PGBD2: variants seen among roughly 807,000 people sequenced by gnomAD.
PGBD2 encodes piggyBac transposable element derived 2.
A neutral mutation model predicts 8.1 loss-of-function variants in PGBD2; 6 were observed. The observed-to-expected ratio is 0.74, with a 90% CI of 0.40 to 1.46. The LOEUF is 1.46. Among genes scored for constraint, PGBD2 ranks in the 40% most tolerant of loss-of-function variants. The pLI is 0.02. For synonymous variants in PGBD2, 318 were observed against 272.2 expected, an observed-to-expected ratio of 1.17 and a Z score of -1.66; for missense variants, 802 against 739.0, an observed-to-expected ratio of 1.09 and a Z score of -0.99.
chr1:248,897,952 G>A, the PGBD2 span, among the ~76,000 whole-genome samples: 1 of 152,210 alleles, frequency 6.6e-6, no homozygotes, highest in Non-Finnish European at 1.5e-5. Context: ...GTGGAGCTCA[G>A]CAGCTACGGC....
chr1:248,914,057 C>T (rs1468746915), intron 2 of PGBD2, among the ~76,000 whole-genome samples, 178 bp downstream of exon 2: 1 of 152,158 alleles, frequency 6.6e-6, no homozygotes, highest in Non-Finnish European at 1.5e-5. Flanking sequence ...AAAAGGCTGA[C>T]AGTTGCATGG....
At chr1:248,894,029 C>T in the PGBD2 span, among the ~76,000 whole-genome samples, 7 of 152,140 alleles carry the variant, frequency 4.6e-5, no homozygotes, top group African/African-American at 1.4e-4. Context: ...TATATGTCTG[C>T]TGGCCCTGGC....
intron 2 of PGBD2, among the ~76,000 whole-genome samples, chr1:248,916,115 TA>T (rs1487188668): frequency 6.6e-6 from 1 of 152,188 alleles, no homozygotes; most frequent in Non-Finnish European, 1.5e-5. Flanking sequence ...CTTCTGCACT[TA>T]AAAGCAGAAT....
the PGBD2 span, among the ~76,000 whole-genome samples, chr1:248,895,076 A>C: frequency 3.3e-5 from 5 of 152,178 alleles, no homozygotes; most frequent in African/African-American, 9.7e-5. Flanking sequence ...AAGTGTTGGA[A>C]TTATAGGCTT....
In PGBD2 at chr1:248,911,390, C is replaced by T. The variant is rs7537073; in HGVS notation, c.-47-2426C>T. On this transcript the variant is annotated intron_variant, in intron 1 of 2. Transcript: ENST00000329291. ...TTGCACCGCCCTTAATCCATTCAAC[C>T]CTGAGTGGACACAGCACATGTTTCA... is the stretch of plus-strand genomic sequence containing the variant. 8.1e-3 allele frequency among the ~76,000 whole-genome samples: 1,225 copies of T among 150,324 alleles called. 20 individuals are homozygous for T. Among genetic ancestry groups the T allele is most frequent in the African/African-American group, 0.028 (1,123 of 39,790 alleles).
At chr1:248,902,177 G>A (rs1396696180), upstream of PGBD2, among the ~76,000 whole-genome samples, 1 of 151,724 alleles carries the variant, frequency 6.6e-6, no homozygotes, top group Non-Finnish European at 1.5e-5. Context: ...GCTGAGGCAG[G>A]AGAATTGCTT....
At chr1:248,892,258 CCT>C in the PGBD2 span, among the ~76,000 whole-genome samples, 2 of 118,622 alleles carry the variant, frequency 1.7e-5, no homozygotes, top group African/African-American at 9.5e-5. Context: ...TCCCTCCCTC[CCT>C]CCCTCCCTCC....
At chr1:248,896,723 A>G in the PGBD2 span, among the ~76,000 whole-genome samples, 5 of 152,218 alleles carry the variant, frequency 3.3e-5, no homozygotes, top group Non-Finnish European at 7.3e-5. Context: ...TGGTAAGTGC[A>G]TTCTATACCT....
At chr1:248,929,755 A>G in the PGBD2 span, among the ~76,000 whole-genome samples, 1 of 152,140 alleles carries the variant, frequency 6.6e-6, no homozygotes, top group Non-Finnish European at 1.5e-5. Context: ...GTTTCCCCAA[A>G]ACACTGATGA....
chr1:248,875,308 C>CAAAAAAAAAAAAAAAAAAAAAAA, the PGBD2 span, among the ~76,000 whole-genome samples: 22 of 110,176 alleles, frequency 2.0e-4, no homozygotes, highest in African/African-American at 4.0e-4. Flanking sequence ...AAAAACAAAA[C>CAAAAAAAAAAAAAAAAAAAAAAA]AAAAAAAAAA....
At chr1:248,878,900 G>A in the PGBD2 span, among the ~76,000 whole-genome samples, 3 of 152,138 alleles carry the variant, frequency 2.0e-5, no homozygotes, top group Non-Finnish European at 4.4e-5. Context: ...ATTTTTGTTG[G>A]TTGGAGTGAT....
chr1:248,877,828 A>G, the PGBD2 span, among the ~76,000 whole-genome samples: 1 of 152,210 alleles, frequency 6.6e-6, no homozygotes, highest in African/African-American at 2.4e-5. Context: ...TGAATAAAGT[A>G]TTTAATTATT....
the PGBD2 span, among the ~76,000 whole-genome samples, chr1:248,877,074 A>G: frequency 6.6e-6 from 1 of 152,196 alleles, no homozygotes; most frequent in Non-Finnish European, 1.5e-5. Context: ...TTTTGTTGTA[A>G]TTCATTAAAA....
At chr1:248,880,787 TC>T in the PGBD2 span, among the ~76,000 whole-genome samples, 4 of 152,236 alleles carry the variant, frequency 2.6e-5, no homozygotes, top group Admixed American at 6.5e-5. Context: ...GAGATTTTTC[TC>T]CCTTCTGATG....
the PGBD2 span, among the ~76,000 whole-genome samples, chr1:248,883,040 A>G: frequency 6.6e-6 from 1 of 152,178 alleles, no homozygotes; most frequent in African/African-American, 2.4e-5. Context: ...CTAATTGTTC[A>G]TATGGTCTGT....
downstream of PGBD2, among the ~76,000 whole-genome samples, chr1:248,923,515 T>G (rs1247933964): frequency 3.9e-5 from 6 of 152,178 alleles, no homozygotes; most frequent in African/African-American, 1.4e-4. Flanking sequence ...CATGGAAATG[T>G]TGGGACTGAG....
chr1:248,874,278 G>T, the PGBD2 span, among the ~76,000 whole-genome samples: 2 of 152,126 alleles, frequency 1.3e-5, no homozygotes, highest in Admixed American at 1.3e-4. Context: ...AGGATTCGGC[G>T]CTCTCACCGC....
the PGBD2 span, among the ~76,000 whole-genome samples, chr1:248,885,971 C>CTG: frequency 6.6e-6 from 1 of 152,258 alleles, no homozygotes; most frequent in African/African-American, 2.4e-5. Flanking sequence ...AACTTTCCTA[C>CTG]CCTGTCAGTT....
rs1056532162 is a variant in PGBD2 at position 248,918,680 on chromosome 1, A to C, written c.*317A>C. Reference sequence around the variant, plus strand: ...TCCTAGCAAGAATAATCAAAGGAAAACTTGCAAGAACAGTAAGAAGACTTT... The same window carrying C: ...TCCTAGCAAGAATAATCAAAGGAAACCTTGCAAGAACAGTAAGAAGACTTT... On this transcript the variant is annotated 3_prime_UTR_variant, in exon 3 of 3. Coordinates refer to ENST00000329291, the MANE Select transcript of PGBD2 (RefSeq NM_170725.3). 2 of 170,062 alleles carry C rather than the reference A, an allele frequency of 1.2e-5. No homozygotes were observed. Among genetic ancestry groups the C allele is most frequent in the African/African-American group, 4.8e-5 (2 of 41,568 alleles). 10.5% of individuals were successfully genotyped at this position (170,062 alleles called of 1,614,324 possible).
Sources: allele counts gnomAD v4.1 joint callset (sites outside exome capture counted in the v4.1 genomes callset), GRCh38; gene constraint gnomAD v4.1.1; transcripts MANE v1.5; gene names NCBI Gene and HGNC (gene_info 2026-07-23, HGNC 2026-07-21).